Variants in MTMR1 observed in about 807,000 individuals in gnomAD.
MTMR1 encodes phosphatidylinositol-3-phosphate phosphatase MTMR1.
A neutral mutation model predicts 51.6 loss-of-function variants in MTMR1; 17 were observed. The ratio of observed to expected loss-of-function variants is 0.33; its 90% CI spans 0.23 to 0.49. The LOEUF (loss-of-function observed/expected upper bound fraction) is 0.49. Ranked by LOEUF, MTMR1 falls within the 20% of genes least tolerant of loss-of-function variation. The probability of loss-of-function intolerance (pLI) is 0.99; values close to 1 mark genes in which losing one functional copy is unlikely to be tolerated. For missense variants in MTMR1, 386 were observed against 526.9 expected (o/e 0.73, Z 2.62); for synonymous variants, 201 against 205.6 (o/e 0.98, Z 0.19).
At chrX:150,731,644 T>C (rs992311481) in intron 9 of MTMR1, 25 bp downstream of exon 9, 5 of 1,136,689 alleles carry the variant, frequency 4.4e-6, no homozygotes, top group African/African-American at 1.8e-5. Context: ...TTGTCATTTA[T>C]ATAGGAATAT....
At chrX:150,752,042 G>A (rs2042757088) in intron 14 of MTMR1, among the ~76,000 whole-genome samples, 2 of 103,880 alleles carry the variant, frequency 1.9e-5, no homozygotes, top group Non-Finnish European at 3.9e-5. Context: ...GCAGCCTCCC[G>A]AGTAGCTGGG....
intron 15 of MTMR1, among the ~76,000 whole-genome samples, chrX:150,759,971 G>A (rs1052457920): frequency 9.1e-6 from 1 of 109,642 alleles, no homozygotes; most frequent in Non-Finnish European, 1.9e-5. Context: ...GTGACTCACC[G>A]CCTGATCTGC....
chrX:150,705,461 A>AT, intron 2 of MTMR1, among the ~76,000 whole-genome samples: 1 of 112,392 alleles, frequency 8.9e-6, no homozygotes, highest in African/African-American at 3.2e-5. Context: ...AGAAAAAAAT[A>AT]TTGAAAGTAG....
At chrX:150,734,384 G>A (rs1557417088) in intron 10 of MTMR1, among the ~76,000 whole-genome samples, 1 of 112,825 alleles carries the variant, frequency 8.9e-6, no homozygotes, top group Admixed American at 9.3e-5. Context: ...CATTGCCAGG[G>A]ATTCGATGTG....
chrX:150,712,309 C>T, intron 2 of MTMR1, 33 bp from the exon 3 acceptor site: 1 of 1,148,999 alleles, frequency 8.7e-7, no homozygotes, highest in Non-Finnish European at 1.2e-6. Context: ...GTAACATGTC[C>T]ATGATGATGA....
At chrX:150,698,672 ACGCG>A (rs58742500) in intron 1 of MTMR1, among the ~76,000 whole-genome samples, 4,967 of 76,410 alleles carry the variant, frequency 0.065, 141 homozygotes, top group South Asian at 0.11. Flanking sequence ...CCCTGTCTAC[ACGCG>A]CGCGCACACA....
chrX:150,733,643 G>C (rs1396466572), intron 10 of MTMR1, among the ~76,000 whole-genome samples: 7 of 111,233 alleles, frequency 6.3e-5, no homozygotes, highest in Admixed American at 3.8e-4. Context: ...TGGTGCTCTA[G>C]AATCCTGAGC....
At chrX:150,735,640 T>A (rs1293941946) in intron 10 of MTMR1, 2 of 350,237 alleles carry the variant, frequency 5.7e-6, no homozygotes, top group African/African-American at 5.3e-5. Context: ...GATCTTCTTT[T>A]TTAAAAAAAA....
At chrX:150,745,428 G>C (rs1262546846) in intron 13 of MTMR1, among the ~76,000 whole-genome samples, 1 of 111,813 alleles carries the variant, frequency 8.9e-6, no homozygotes, top group Admixed American at 9.4e-5. Context: ...CAATAGCCCT[G>C]CTGCTCTTGA....
chrX:150,753,709 T>A (rs1485639453), intron 14 of MTMR1, among the ~76,000 whole-genome samples: 1 of 112,456 alleles, frequency 8.9e-6, no homozygotes, highest in African/African-American at 3.2e-5. Flanking sequence ...ATACATTCTT[T>A]ATATATTCAA....
chrX:150,753,121 C>G, intron 14 of MTMR1, among the ~76,000 whole-genome samples: 1 of 112,166 alleles, frequency 8.9e-6, no homozygotes, highest in African/African-American at 3.2e-5. Flanking sequence ...ATATGACTGT[C>G]TTCCTTTGCT....
Position 150,760,712 on chromosome X carries a change from T to G in MTMR1, c.1858-1853T>G, listed in dbSNP as rs1421401719. On this transcript the variant is annotated intron_variant, in intron 15 of 15. Coordinates refer to ENST00000445323, the MANE Select transcript of MTMR1 (RefSeq NM_001306144.3). Reference sequence around the variant, plus strand: ...GCCAAGGCGGGCAGATCACTTGAGATCAGGAGTTCGAGACTAGCCTGGCCA... The same window carrying G: ...GCCAAGGCGGGCAGATCACTTGAGAGCAGGAGTTCGAGACTAGCCTGGCCA... Among the ~76,000 whole-genome samples, 5 of 111,541 alleles carry G rather than the reference T, an allele frequency of 4.5e-5. 1 individual carries two copies. The highest frequency in any genetic ancestry group is 3.8e-5 in the Non-Finnish European group (2 of 53,077).
chrX:150,732,413 C>G, intron 9 of MTMR1, 129 bp from the exon 10 acceptor site: 1 of 551,767 alleles, frequency 1.8e-6, no homozygotes, highest in East Asian at 3.9e-5. Context: ...ATTGGCCTGC[C>G]CACTCTCACT....
At chrX:150,701,649 GT>G (rs1431178103) in intron 2 of MTMR1, among the ~76,000 whole-genome samples, 6 of 111,608 alleles carry the variant, frequency 5.4e-5, no homozygotes, top group East Asian at 2.8e-4. Flanking sequence ...AGGCTCTGGG[GT>G]TTTGTAATGC....
At chrX:150,737,500 A>G (rs1557417216) in intron 12 of MTMR1, 52 bp downstream of exon 12, 2 of 1,047,895 alleles carry the variant, frequency 1.9e-6, no homozygotes, top group African/African-American at 1.9e-5. Context: ...TATCATATGG[A>G]TGTAAACGTC....
intron 4 of MTMR1, among the ~76,000 whole-genome samples, chrX:150,720,607 A>G (rs1470428292): frequency 3.6e-5 from 4 of 111,957 alleles, no homozygotes; most frequent in African/African-American, 1.3e-4. Context: ...ACAAGTCTGT[A>G]TGAGCATACC....
chrX:150,730,982 T>TC (rs1230479076), intron 8 of MTMR1, among the ~76,000 whole-genome samples: 1 of 112,457 alleles, frequency 8.9e-6, no homozygotes, highest in Non-Finnish European at 1.9e-5. Flanking sequence ...GATCCAGTGT[T>TC]CCCGGGTCTG....
At chrX:150,701,919 G>T (rs1557415946) in intron 2 of MTMR1, among the ~76,000 whole-genome samples, 1 of 111,437 alleles carries the variant, frequency 9.0e-6, no homozygotes, top group Non-Finnish European at 1.9e-5. Context: ...GGAAACCGAG[G>T]CCTAGAGAGA....
At chrX:150,702,530 T>C (rs782705762) in intron 2 of MTMR1, among the ~76,000 whole-genome samples, 3 of 111,746 alleles carry the variant, frequency 2.7e-5, no homozygotes, top group Non-Finnish European at 5.7e-5. Flanking sequence ...TCATAAATTG[T>C]CAGTCAGCCC....
Sources: gnomAD v4.1 joint callset for allele counts (sites outside exome capture counted in the v4.1 genomes callset) on GRCh38, gnomAD v4.1.1 for gene constraint, MANE v1.5 for transcripts, NCBI Gene and HGNC (gene_info 2026-07-23, HGNC 2026-07-21) for gene names.